HLCS: variants seen among roughly 807,000 people sequenced by gnomAD.
HLCS encodes the protein holocarboxylase synthetase, also known as biotin--protein ligase.
In HLCS, 53 loss-of-function variants were observed where a neutral mutation model predicts 75.0. That is an observed-to-expected ratio of 0.71 (90% CI 0.57 to 0.89). HLCS has a LOEUF of 0.89. HLCS is among the 40% of genes least tolerant of loss of function. The probability of loss-of-function intolerance (pLI) is 0.00; values close to 1 mark genes in which losing one functional copy is unlikely to be tolerated. For missense variants in HLCS, 966 were observed against 1,074.0 expected (o/e 0.90, Z 1.41); for synonymous variants, 431 against 428.6 (o/e 1.01, Z -0.07).
intron 6 of HLCS, among the ~76,000 whole-genome samples, chr21:36,837,138 G>T (rs1228223530): frequency 1.3e-5 from 2 of 152,160 alleles, no homozygotes; most frequent in Non-Finnish European, 2.9e-5. Flanking sequence ...AGCCAAGATT[G>T]TGCCACTGCA....
chr21:36,936,651 T>C lies in HLCS; in HGVS notation c.1235A>G (p.Lys412Arg). ...FQVTSKGALH[K>R]TVQNLVFSKA... ...GGAGAAAACCAAGTTCTGGACTGTC[T>C]TGTGCAGTGCACCCTTGCTTGTCAC... The change falls in exon 4 of 11, where the codon AAG becomes AGG. Residue 412 changes from lysine to arginine, a missense_variant. Physicochemically the swap from Lys to Arg is conservative, Grantham distance 26. Transcript: ENST00000674895. 6.2e-7 allele frequency: 1 copy of C among 1,614,218 alleles called. No homozygotes were observed. Among genetic ancestry groups the C allele is most frequent in the Non-Finnish European group, 8.5e-7 (1 of 1,180,034 alleles).
At chr21:36,810,039 A>G (rs557929698) in intron 6 of HLCS, among the ~76,000 whole-genome samples, 1 of 152,338 alleles carries the variant, frequency 6.6e-6, no homozygotes, top group South Asian at 2.1e-4. Flanking sequence ...CGTGGCACCC[A>G]GCCATTTAGT....
rs992188040 is a variant in HLCS at position 36,947,687 on chromosome 21, C to T, written c.331-8693G>A. On this transcript the variant is annotated intron_variant, in intron 2 of 10. Coordinates refer to ENST00000674895, the MANE Select transcript of HLCS (RefSeq NM_001352514.2). ...GACTTGATGTTACAATGTATGGCAG[C>T]AGGCAAGGCATATCTTCTCTGCTCA... 10 of 985,294 alleles carry T rather than the reference C, an allele frequency of 1.0e-5. No individual in the cohort carries two copies. The Admixed American group carries it at 4.9e-4, about 48-fold the overall frequency. 61.0% of individuals were successfully genotyped at this position (985,294 alleles called of 1,614,324 possible). A position where few individuals can be genotyped will look rare whatever the true frequency, so the allele number is the denominator to read the frequency against.
chr21:36,986,163 T>C (rs2069225540), intron 1 of HLCS, among the ~76,000 whole-genome samples: 1 of 152,128 alleles, frequency 6.6e-6, no homozygotes, highest in Admixed American at 6.6e-5. Context: ...GGCCCCTTCC[T>C]TTCTCTTTCC....
chr21:36,970,993 CAA>C (rs58741965), upstream of HLCS, among the ~76,000 whole-genome samples: 10 of 92,724 alleles, frequency 1.1e-4, no homozygotes, highest in Non-Finnish European at 9.4e-5. Context: ...GACTCCATCT[CAA>C]AAAAAAAAAA....
chr21:36,879,138 AT>A (rs376719707), intron 6 of HLCS, among the ~76,000 whole-genome samples: 152,282 of 152,288 alleles, frequency 1, 76,138 homozygotes, highest in Middle Eastern at 1. Flanking sequence ...AATAATTGGA[AT>A]ATAACATAAT....
intron 6 of HLCS, among the ~76,000 whole-genome samples, chr21:36,825,514 C>T (rs909970243): frequency 1.3e-5 from 2 of 151,960 alleles, no homozygotes; most frequent in African/African-American, 2.4e-5. Flanking sequence ...TATTGTTCTA[C>T]GTGATTAAAA....
rs76299912 is a variant in HLCS at position 36,779,360 on chromosome 21, C to A, written c.1893-12075G>T. The stretch of plus-strand genomic sequence containing the variant: ...CTTCCTCTAGATTCTCATCTTCTTT[C>A]TCTATCTAATCTATCCATCTACCAC... On this transcript the variant is annotated intron_variant, in intron 6 of 10. Transcript: ENST00000674895. 3.2e-4 allele frequency among the ~76,000 whole-genome samples: 48 copies of A among 152,044 alleles called. No homozygotes were observed. The East Asian group carries it at 6.4e-3, about 20-fold the overall frequency.
intron 5 of HLCS, among the ~76,000 whole-genome samples, chr21:36,910,339 G>GT (rs1313559174): frequency 6.6e-6 from 1 of 152,162 alleles, no homozygotes; most frequent in Non-Finnish European, 1.5e-5. Flanking sequence ...GAGGTCAGGA[G>GT]TTTGAGACCA....
intron 1 of HLCS, among the ~76,000 whole-genome samples, chr21:36,979,308 C>T (rs976552976): frequency 1.3e-5 from 2 of 151,464 alleles, no homozygotes; most frequent in East Asian, 1.9e-4. Flanking sequence ...AAAAAAACTA[C>T]CTATTATAAA....
chr21:36,919,940 A>T (rs2066090365), intron 5 of HLCS, among the ~76,000 whole-genome samples: 3 of 152,240 alleles, frequency 2.0e-5, no homozygotes, highest in Non-Finnish European at 1.5e-5. Flanking sequence ...TGCTTTGCCA[A>T]GACCAGCATA....
chr21:36,819,795 C>T (rs917045478), intron 6 of HLCS, among the ~76,000 whole-genome samples: 1 of 152,108 alleles, frequency 6.6e-6, no homozygotes, highest in Non-Finnish European at 1.5e-5. Flanking sequence ...ACTCTTTCCA[C>T]TTTCCCATAA....
intron 6 of HLCS, among the ~76,000 whole-genome samples, chr21:36,781,922 G>C (rs1601223108): frequency 6.6e-6 from 1 of 151,964 alleles, no homozygotes; most frequent in East Asian, 1.9e-4. Context: ...TGTTTTCTCA[G>C]TATCTATGGA....
chr21:36,860,123 T>A (rs946622165), intron 6 of HLCS, among the ~76,000 whole-genome samples: 6 of 152,142 alleles, frequency 3.9e-5, no homozygotes, highest in Non-Finnish European at 7.4e-5. Flanking sequence ...GTGGGAGGGG[T>A]TACTTTTAAT....
intron 1 of HLCS, 135 bp from the exon 2 acceptor site, chr21:36,962,305 C>A: frequency 2.0e-6 from 1 of 501,508 alleles, no homozygotes; most frequent in South Asian, 2.0e-5. Flanking sequence ...TGCTCCTCTG[C>A]AGGCCGCAGG....
At chr21:36,763,371 G>A (rs527606340) in intron 8 of HLCS, among the ~76,000 whole-genome samples, 6 of 152,272 alleles carry the variant, frequency 3.9e-5, no homozygotes, top group East Asian at 1.9e-4. Flanking sequence ...GCTCAAGGCC[G>A]GGCACCTGAA....
intron 6 of HLCS, among the ~76,000 whole-genome samples, chr21:36,782,110 A>G (rs910632543): frequency 3.5e-4 from 53 of 152,264 alleles, no homozygotes; most frequent in Non-Finnish European, 2.9e-5. Flanking sequence ...CTCATTAGTG[A>G]TACTGGCCTG....
intron 6 of HLCS, among the ~76,000 whole-genome samples, chr21:36,856,908 T>C (rs1167299787): frequency 6.6e-6 from 1 of 152,110 alleles, no homozygotes; most frequent in Non-Finnish European, 1.5e-5. Context: ...TACAAGGTAA[T>C]TTCTCCAGGC....
chr21:36,966,733 C>A (rs953365814), upstream of HLCS: 1 of 475,682 alleles, frequency 2.1e-6, no homozygotes, highest in Non-Finnish European at 2.7e-6. Flanking sequence ...GCCGCCCCCC[C>A]GGGCCAGGCG....
Sources: gnomAD v4.1 joint callset for allele counts (sites outside exome capture counted in the v4.1 genomes callset) on GRCh38, gnomAD v4.1.1 for gene constraint, MANE v1.5 for transcripts, NCBI Gene and HGNC (gene_info 2026-07-23, HGNC 2026-07-21) for gene names.